The following FHIT variants were observed in gnomAD, a reference collection of about 807,000 sequenced individuals.
The protein encoded by FHIT is fragile histidine triad diadenosine triphosphatase.
Under a neutral mutation model 17.9 loss-of-function variants are expected in FHIT, and 19 were observed. The observed-to-expected ratio is 1.06, with a 90% CI of 0.74 to 1.56. FHIT has a LOEUF of 1.56. FHIT is among the 40% of genes most tolerant of loss of function. FHIT has a pLI of 0.00. For synonymous variants in FHIT, 81 were observed against 69.7 expected (o/e 1.16, Z -0.81); for missense variants, 248 against 189.2 (o/e 1.31, Z -1.82).
intron 8 of FHIT, among the ~76,000 whole-genome samples, chr3:59,759,203 C>T (rs559907977): frequency 6.6e-6 from 1 of 151,864 alleles, no homozygotes; most frequent in Admixed American, 6.6e-5. Flanking sequence ...AGAGAGAGGA[C>T]TTGGGGGGAT....
At chr3:60,229,066 G>C (rs9875546) in intron 5 of FHIT, among the ~76,000 whole-genome samples, 4 of 152,070 alleles carry the variant, frequency 2.6e-5, no homozygotes, top group Non-Finnish European at 5.9e-5. Flanking sequence ...GCATATGTAC[G>C]AACTGCTTAC....
chr3:60,282,048 T>C (rs1235615444), intron 5 of FHIT, among the ~76,000 whole-genome samples: 1 of 152,166 alleles, frequency 6.6e-6, no homozygotes, highest in Non-Finnish European at 1.5e-5. Flanking sequence ...GTTCATGCAT[T>C]GTTGGTGGAA....
chr3:60,235,598 C>A (rs565050542), intron 5 of FHIT, among the ~76,000 whole-genome samples: 1 of 152,134 alleles, frequency 6.6e-6, no homozygotes, highest in South Asian at 2.1e-4. Context: ...ACATTGTATA[C>A]AGACTCAGAC....
intron 2 of FHIT, among the ~76,000 whole-genome samples, chr3:61,102,164 C>T (rs370830547): frequency 6.6e-6 from 1 of 152,124 alleles, no homozygotes; most frequent in Non-Finnish European, 1.5e-5. Context: ...CAGTTTTTAT[C>T]CATTCAGTAT....
At chr3:60,905,275 G>A (rs538347715) in intron 3 of FHIT, among the ~76,000 whole-genome samples, 1 of 152,214 alleles carries the variant, frequency 6.6e-6, no homozygotes, top group Admixed American at 6.5e-5. Flanking sequence ...ATTGTCAAAA[G>A]TTGAAAAACT....
intron 5 of FHIT, among the ~76,000 whole-genome samples, chr3:60,135,427 A>G (rs1415403938): frequency 1.3e-5 from 2 of 152,144 alleles, no homozygotes; most frequent in Non-Finnish European, 2.9e-5. Flanking sequence ...GAGCTAACAA[A>G]TCAATTTGAT....
intron 5 of FHIT, among the ~76,000 whole-genome samples, chr3:60,452,335 G>C (rs2031805030): frequency 6.6e-6 from 1 of 152,140 alleles, no homozygotes; most frequent in Non-Finnish European, 1.5e-5. Context: ...CTATGAAGTG[G>C]TTTAAAGTGG....
chr3:60,790,164 A>G (rs190347898), intron 4 of FHIT, among the ~76,000 whole-genome samples: 47 of 152,342 alleles, frequency 3.1e-4, no homozygotes, highest in Non-Finnish European at 4.3e-4. Context: ...TTGTTGGTTT[A>G]TTAATATTTT....
chr3:60,630,269 C>A (rs1246119558), intron 4 of FHIT, among the ~76,000 whole-genome samples: 1 of 152,174 alleles, frequency 6.6e-6, no homozygotes, highest in African/African-American at 2.4e-5. Context: ...TTATAAATGA[C>A]AACCAGTGTG....
rs35138137 is a variant in FHIT, at chr3:60,046,658, G to C, written c.104-32506C>G. On this transcript the variant is annotated intron_variant, in intron 5 of 9. Coordinates refer to ENST00000492590, the MANE Select transcript of FHIT (RefSeq NM_002012.4). ...TCCCATATGGAGAAACAGAACAAGG[G>C]GGTGAGAATGAGAAAGACAAGAAAT... Among the ~76,000 whole-genome samples the C allele has an allele frequency of 9.2e-5, 14 of 152,128 alleles. No individual in the cohort carries two copies. In the East Asian group the frequency reaches 2.7e-3, roughly 29 times the overall value.
At chr3:60,329,231 A>T (rs1709844986) in intron 5 of FHIT, among the ~76,000 whole-genome samples, 1 of 152,078 alleles carries the variant, frequency 6.6e-6, no homozygotes, top group Non-Finnish European at 1.5e-5. Flanking sequence ...AATTTAGCTA[A>T]CCATTTTAAC....
intron 2 of FHIT, among the ~76,000 whole-genome samples, chr3:61,148,789 A>G (rs1489291440): frequency 1.3e-5 from 2 of 152,180 alleles, no homozygotes; most frequent in African/African-American, 4.8e-5. Context: ...TGGTTATTTT[A>G]TTTTAACAGT....
intron 4 of FHIT, among the ~76,000 whole-genome samples, chr3:60,772,577 C>T (rs1182418298): frequency 6.6e-6 from 1 of 152,078 alleles, no homozygotes; most frequent in East Asian, 1.9e-4. Context: ...CTTTGGGAGA[C>T]ATTTACTTTA....
chr3:59,975,875 A>G (rs1218633000), intron 7 of FHIT, among the ~76,000 whole-genome samples: 1 of 151,788 alleles, frequency 6.6e-6, no homozygotes, highest in Non-Finnish European at 1.5e-5. Flanking sequence ...AACCTACATG[A>G]CCTAGATTTC....
At chr3:60,916,557 G>T (rs1049845839) in intron 3 of FHIT, among the ~76,000 whole-genome samples, 1 of 152,158 alleles carries the variant, frequency 6.6e-6, no homozygotes, top group Non-Finnish European at 1.5e-5. Context: ...ATTACCCACT[G>T]CATCACCATC....
At chr3:60,872,545 T>G (rs1704457639) in intron 3 of FHIT, among the ~76,000 whole-genome samples, 1 of 152,182 alleles carries the variant, frequency 6.6e-6, no homozygotes, top group African/African-American at 2.4e-5. Context: ...TGCATTTTTA[T>G]AAGCTGGCCA....
At chr3:60,045,953 G>C (rs551427446) in intron 5 of FHIT, among the ~76,000 whole-genome samples, 1 of 152,324 alleles carries the variant, frequency 6.6e-6, no homozygotes, top group East Asian at 1.9e-4. Flanking sequence ...TGGAGATTCT[G>C]TACATTTCTA....
chr3:59,867,969 A>C (rs1575612739), intron 8 of FHIT, among the ~76,000 whole-genome samples: 1 of 147,406 alleles, frequency 6.8e-6, no homozygotes, highest in Admixed American at 6.8e-5. Flanking sequence ...TGAGGCTAAA[A>C]CCCAACGTTT....
chr3:60,447,975 C>T (rs565713028), intron 5 of FHIT, among the ~76,000 whole-genome samples: 3 of 152,254 alleles, frequency 2.0e-5, no homozygotes, highest in Non-Finnish European at 2.9e-5. Context: ...CAAATTCTCA[C>T]CATGAAATGA....
Sources: gnomAD v4.1 joint callset for allele counts (sites outside exome capture counted in the v4.1 genomes callset) on GRCh38, gnomAD v4.1.1 for gene constraint, MANE v1.5 for transcripts, NCBI Gene and HGNC (gene_info 2026-07-23, HGNC 2026-07-21) for gene names.